The following CACNB4 variants were observed in gnomAD, a reference collection of about 807,000 sequenced individuals.
The protein encoded by CACNB4 is calcium voltage-gated channel auxiliary subunit beta 4, also known as voltage-dependent L-type calcium channel subunit beta-4.
In CACNB4, 32 loss-of-function variants were observed where a neutral mutation model predicts 71.2. The ratio of observed to expected loss-of-function variants is 0.45; its 90% CI spans 0.34 to 0.60. CACNB4 has a LOEUF of 0.60. Among genes scored for constraint, CACNB4 ranks in the 20% least tolerant of loss-of-function variants. CACNB4 has a pLI of 0.01. For missense variants in CACNB4, 464 were observed against 647.9 expected (o/e 0.72, Z 3.08); for synonymous variants, 231 against 236.9 (o/e 0.97, Z 0.23).
chr2:151,894,505 C>T (rs2099851515), intron 2 of CACNB4, among the ~76,000 whole-genome samples: 1 of 152,106 alleles, frequency 6.6e-6, no homozygotes, highest in African/African-American at 2.4e-5. Flanking sequence ...AGAACTGGAA[C>T]AAAGATGCCC....
At chr2:152,026,363 T>C (rs1683971843) in intron 2 of CACNB4, among the ~76,000 whole-genome samples, 2 of 145,190 alleles carry the variant, frequency 1.4e-5, no homozygotes, top group Admixed American at 1.4e-4. Context: ...CTCTCTGGGC[T>C]CCACTTCTCT....
intron 10 of CACNB4, chr2:151,860,242 G>A (rs982781755): frequency 1.7e-5 from 3 of 174,878 alleles, no homozygotes; most frequent in East Asian, 1.9e-4. Flanking sequence ...GGTACCCCAG[G>A]AAAGACATGT....
At chr2:152,087,076 G>C (rs1318077065) in intron 2 of CACNB4, among the ~76,000 whole-genome samples, 1 of 151,642 alleles carries the variant, frequency 6.6e-6, no homozygotes, top group African/African-American at 2.4e-5. Flanking sequence ...AGGTTGCGGT[G>C]AGCCAAGATT....
At chr2:152,051,497 A>G (rs1339153214) in intron 2 of CACNB4, among the ~76,000 whole-genome samples, 1 of 152,160 alleles carries the variant, frequency 6.6e-6, no homozygotes, top group Non-Finnish European at 1.5e-5. Flanking sequence ...TCAGGAGGTG[A>G]TCAGATCATG....
chr2:151,843,177 C>G (rs1004581014), intron 12 of CACNB4, among the ~76,000 whole-genome samples: 1 of 152,210 alleles, frequency 6.6e-6, no homozygotes. Context: ...GGTGGCCCCC[C>G]TGTCATTGCA....
chr2:151,941,664 A>C (rs2099864284), intron 2 of CACNB4, among the ~76,000 whole-genome samples: 1 of 152,178 alleles, frequency 6.6e-6, no homozygotes, highest in African/African-American at 2.4e-5. Context: ...CTATGGTCTG[A>C]TCAAGATGAT....
chr2:151,963,245 G>A (rs1469793424), intron 2 of CACNB4, among the ~76,000 whole-genome samples: 1 of 149,520 alleles, frequency 6.7e-6, no homozygotes, highest in Admixed American at 6.7e-5. Flanking sequence ...CTGGGAGACG[G>A]AGCTTGTAGT....
chr2:152,077,807 A>G (rs1237913108), intron 2 of CACNB4, among the ~76,000 whole-genome samples: 1 of 152,196 alleles, frequency 6.6e-6, no homozygotes, highest in Non-Finnish European at 1.5e-5. Context: ...GAAGTAAGAG[A>G]GTCTGACAGG....
chr2:152,079,330 C>T (rs562996368), intron 2 of CACNB4, among the ~76,000 whole-genome samples: 6 of 152,128 alleles, frequency 3.9e-5, no homozygotes, highest in South Asian at 2.1e-4. Flanking sequence ...CCTCGTGATC[C>T]GCCTGCCTCA....
chr2:151,924,073 CT>C (rs59036016), intron 2 of CACNB4, among the ~76,000 whole-genome samples: 18,865 of 89,256 alleles, frequency 0.21, 324 homozygotes, highest in East Asian at 0.4. Context: ...ATTCTGAAAT[CT>C]TTTTTTTTTT....
chr2:151,996,928 A>G (rs1463018674), intron 2 of CACNB4, among the ~76,000 whole-genome samples: 1 of 110,632 alleles, frequency 9.0e-6, no homozygotes, highest in Non-Finnish European at 2.5e-5. Flanking sequence ...GTTGGTGTTT[A>G]AGAAAAAAAA....
intron 2 of CACNB4, among the ~76,000 whole-genome samples, chr2:151,953,442 C>T (rs1452314539): frequency 2.0e-5 from 3 of 152,178 alleles, no homozygotes; most frequent in Admixed American, 6.5e-5. Flanking sequence ...GAGTAGGACA[C>T]TTGGGTTCAA....
chr2:151,997,489 G>A (rs989061279), intron 2 of CACNB4, among the ~76,000 whole-genome samples: 3 of 151,898 alleles, frequency 2.0e-5, no homozygotes, highest in Non-Finnish European at 2.9e-5. Flanking sequence ...AGCTGAGATC[G>A]CGCCACTGCA....
At chr2:151,841,305 G>A (rs995444810) in intron 13 of CACNB4, among the ~76,000 whole-genome samples, 1 of 152,176 alleles carries the variant, frequency 6.6e-6, no homozygotes, top group Non-Finnish European at 1.5e-5. Context: ...AGGAGTGGTG[G>A]CTCATGATGG....
At chr2:152,021,247 A>G (rs888801520) in intron 2 of CACNB4, among the ~76,000 whole-genome samples, 3 of 152,228 alleles carry the variant, frequency 2.0e-5, no homozygotes, top group Non-Finnish European at 4.4e-5. Flanking sequence ...CTCCATCTCA[A>G]AATAAATAAA....
At chr2:151,965,435 T>C (rs773742749) in intron 2 of CACNB4, among the ~76,000 whole-genome samples, 2 of 152,194 alleles carry the variant, frequency 1.3e-5, no homozygotes, top group Non-Finnish European at 2.9e-5. Context: ...TCTCCTAGAA[T>C]TGATTGTATT....
At chr2:152,052,536 C>T (rs371269891) in intron 2 of CACNB4, among the ~76,000 whole-genome samples, 7 of 152,232 alleles carry the variant, frequency 4.6e-5, no homozygotes, top group Middle Eastern at 3.4e-3. Flanking sequence ...TCAGGTGATC[C>T]GCCCGCCTCG....
chr2:151,852,463 A>G (rs540906356), intron 12 of CACNB4: 1 of 152,354 alleles, frequency 6.6e-6, no homozygotes, highest in South Asian at 2.1e-4. Context: ...GACGTCACAC[A>G]AAGTGTATCC....
chr2:152,036,152 C>T (rs762185498), intron 2 of CACNB4, among the ~76,000 whole-genome samples: 7 of 152,020 alleles, frequency 4.6e-5, no homozygotes, highest in Non-Finnish European at 8.8e-5. Flanking sequence ...TGCCAAGCAC[C>T]GGGAGGAGGT....
Sources: gnomAD v4.1 joint callset for allele counts (sites outside exome capture counted in the v4.1 genomes callset) on GRCh38, gnomAD v4.1.1 for gene constraint, MANE v1.5 for transcripts, NCBI Gene and HGNC (gene_info 2026-07-23, HGNC 2026-07-21) for gene names.